RFC5: variants seen among roughly 807,000 people sequenced by gnomAD.
RFC5 encodes A1 36 kDa subunit.
In RFC5, 26 loss-of-function variants were observed where a neutral mutation model predicts 44.3. The observed-to-expected ratio is 0.59, with a 90% CI of 0.43 to 0.81. RFC5 has a LOEUF of 0.81. Ranked by LOEUF, RFC5 falls within the 40% of genes least tolerant of loss-of-function variation. RFC5 has a pLI of 0.00. For missense variants in RFC5, 328 were observed against 418.6 expected (o/e 0.78, Z 1.89); for synonymous variants, 155 against 155.2 (o/e 1.00, Z 0.01).
chr12:118,017,828 G>C, intron 1 of RFC5: 1 of 676,072 alleles, frequency 1.5e-6, no homozygotes, highest in Admixed American at 2.1e-5. Context: ...GAGCTACCAA[G>C]CCCATCCTGT....
intron 5 of RFC5, among the ~76,000 whole-genome samples, chr12:118,023,743 G>A (rs2030715580): frequency 1.3e-5 from 2 of 150,490 alleles, no homozygotes; most frequent in African/African-American, 2.4e-5. Context: ...GCAAAAAGCC[G>A]CCCTCCCTGC....
chr12:118,016,858 C>T lies in RFC5; in HGVS notation c.31C>T (p.Gln11Ter), dbSNP rs769693306. 2 of 1,613,404 alleles carry T rather than the reference C, an allele frequency of 1.2e-6. No individual in the cohort carries two copies. The highest frequency in any genetic ancestry group is 3.3e-5 in the Admixed American group (2 of 59,966). The change falls in exon 1 of 11, where the codon CAG becomes TAG. Residue 11 changes from glutamine to a stop codon, truncating the protein, a stop_gained. Transcript: ENST00000454402. LOFTEE classifies it high-confidence loss of function. METSALKQQE[Q>*]PAATKIRNLP... ...GACCTCAGCACTCAAGCAGCAGGAG[C>T]AGCCCGCGGCGACCAAGATCAGGAA... is the stretch of plus-strand genomic sequence containing the variant.
At chr12:118,020,854 C>A in intron 3 of RFC5, 52 bp from the exon 4 acceptor site, 1 of 1,201,482 alleles carries the variant, frequency 8.3e-7, no homozygotes, top group Non-Finnish European at 1.2e-6. Flanking sequence ...CAAGAACTCA[C>A]AGATAGCACA....
the RFC5 span, among the ~76,000 whole-genome samples, chr12:118,039,868 C>T: frequency 3.3e-5 from 5 of 151,758 alleles, no homozygotes; most frequent in Non-Finnish European, 5.9e-5. Context: ...CTCAGCCTCC[C>T]GAGTAGCTGG....
Position 118,025,829 on chromosome 12 carries a change from G to T in RFC5, c.663+1G>T, listed in dbSNP as rs955780368. On this transcript the variant is annotated splice_donor_variant, in intron 7 of 10. Coordinates refer to ENST00000454402, the MANE Select transcript of RFC5 (RefSeq NM_007370.7). LOFTEE classifies it high-confidence loss of function. ...GCGTAGGGCTCTGAACATTTTGCAG[G>T]TATGGTCTCAAGCAAATCCTTTTTT... 9 of 1,533,570 alleles carry T rather than the reference G, an allele frequency of 5.9e-6. No homozygotes were observed. Among genetic ancestry groups the T allele is most frequent in the Non-Finnish European group, 1.8e-6 (2 of 1,109,878 alleles). The allele number at this position is 1,533,570 out of a possible 1,614,324, so 95.0% of individuals were successfully genotyped here. A position where few individuals can be genotyped will look rare whatever the true frequency, so the allele number is the denominator to read the frequency against.
rs1354512252 is a variant in RFC5, at chr12:118,018,956, C to T, written c.66-116C>T. ...CCAAATGATCCACCCACCTTGGCCTCCCAAAGTGCTGGGATTACAGGCATG... is the reference window on the plus strand; with the variant it reads ...CCAAATGATCCACCCACCTTGGCCTTCCAAAGTGCTGGGATTACAGGCATG... On this transcript the variant is annotated intron_variant, in intron 1 of 10. Coordinates refer to ENST00000454402, the MANE Select transcript of RFC5 (RefSeq NM_007370.7). 6.5e-6 allele frequency: 5 copies of T among 764,742 alleles called. No individual in the cohort carries two copies. The Admixed American group carries it at 8.2e-5, about 12-fold the overall frequency. 47.4% of individuals were successfully genotyped at this position (764,742 alleles called of 1,614,324 possible).
chr12:118,030,959 C>T (rs983870742), intron 10 of RFC5, among the ~76,000 whole-genome samples: 11 of 152,142 alleles, frequency 7.2e-5, no homozygotes, highest in Admixed American at 3.9e-4. Flanking sequence ...AAAATTGAAT[C>T]GGTCCTTACA....
In RFC5 at chr12:118,016,902, G is replaced by A. The variant is rs1307385209; in HGVS notation, c.65+10G>A. ...TCAGGAACCTGCCCTGGTAGGAGGA[G>A]GCCGAGCGGCGGCGGTGGGCAGAGG... On this transcript the variant is annotated intron_variant, in intron 1 of 10. Transcript: ENST00000454402. The A allele has an allele frequency of 1.4e-5, 23 of 1,612,000 alleles. No individual in the cohort carries two copies. The highest frequency in any genetic ancestry group is 2.2e-5 in the East Asian group (1 of 44,824).
At chr12:118,030,466 C>T (rs923013726) in intron 10 of RFC5, among the ~76,000 whole-genome samples, 25 of 151,794 alleles carry the variant, frequency 1.6e-4, no homozygotes, top group Admixed American at 1.6e-3. Context: ...AGACCACAGA[C>T]CCACCAATGT....
At position 118,031,364 on chromosome 12, in the gene RFC5, C is replaced by A; in HGVS notation, c.*86C>A. The A allele has an allele frequency of 3.5e-6, 3 of 867,100 alleles. No individual in the cohort carries two copies. Among genetic ancestry groups the A allele is most frequent in the East Asian group, 2.6e-5 (1 of 38,910 alleles). 53.7% of individuals were successfully genotyped at this position (867,100 alleles called of 1,614,324 possible). A position where few individuals can be genotyped will look rare whatever the true frequency, so the allele number is the denominator to read the frequency against. ...TTCCAGGATAAACTGCTGCCTGGGG[C>A]TGTGGGATGAATCAGTCACCCCGAA... is the stretch of plus-strand genomic sequence containing the variant. On this transcript the variant is annotated 3_prime_UTR_variant, in exon 11 of 11. Transcript: ENST00000454402.
downstream of RFC5, chr12:118,035,773 A>G (rs1167825754): frequency 5.8e-6 from 1 of 171,396 alleles, no homozygotes; most frequent in African/African-American, 2.4e-5. Flanking sequence ...TACTACAGTT[A>G]TTAGTAAATG....
chr12:118,029,765 C>T lies in RFC5; in HGVS notation c.872-6C>T. 6.2e-7 allele frequency: 1 copy of T among 1,602,254 alleles called. No homozygotes were observed. The highest frequency in any genetic ancestry group is 8.6e-7 in the Non-Finnish European group (1 of 1,169,348). On this transcript the variant is annotated splice_region_variant and splice_polypyrimidine_tract_variant and intron_variant, in intron 9 of 10. Transcript: ENST00000454402. ...CCTAACTCATTTGATTTTGTTTTTC[C>T]CTCAGTTGACTTTCCATCTTCAGTT...
rs1282332149 is a variant in RFC5 at position 118,019,597 on chromosome 12, G to T, written c.131-35G>T. 6.2e-7 allele frequency: 1 copy of T among 1,613,542 alleles called. No homozygotes were observed. Among genetic ancestry groups the T allele is most frequent in the Non-Finnish European group, 8.5e-7 (1 of 1,179,634 alleles). Reference sequence around the variant, plus strand: ...CAGGGTGAATGAGGCAGCTCCCAAAGACTGATGGTGCCCTTCTTCCTTCCT... The same window carrying T: ...CAGGGTGAATGAGGCAGCTCCCAAATACTGATGGTGCCCTTCTTCCTTCCT... On this transcript the variant is annotated intron_variant, in intron 2 of 10. Transcript: ENST00000454402. The surrounding 1 kb of genome is among the most constrained non-coding windows in gnomAD (Gnocchi z 4.2).
chr12:118,039,253 T>C, the RFC5 span, among the ~76,000 whole-genome samples: 2 of 152,120 alleles, frequency 1.3e-5, no homozygotes, highest in African/African-American at 2.4e-5. Flanking sequence ...ATTCAGCAGA[T>C]AACCCAGGGT....
downstream of RFC5, chr12:118,034,173 A>G (rs200618171): frequency 1.2e-6 from 2 of 1,613,790 alleles, no homozygotes; most frequent in East Asian, 2.2e-5. Flanking sequence ...CCTGCTACAA[A>G]GAAGCACAAG....
intron 5 of RFC5, among the ~76,000 whole-genome samples, chr12:118,024,634 C>G (rs1241035521): frequency 6.6e-6 from 1 of 152,054 alleles, no homozygotes; most frequent in Non-Finnish European, 1.5e-5. Flanking sequence ...TTGGCCAAAC[C>G]TCCTGACCTC....
chr12:118,032,894 CAG>C (rs912457837), downstream of RFC5: 4 of 151,540 alleles, frequency 2.6e-5, no homozygotes, highest in African/African-American at 7.3e-5. Context: ...AAAAATGAAA[CAG>C]AGAGCCAAAA....
Position 118,019,639 on chromosome 12 carries a change from G to A in RFC5, c.138G>A (p.Lys46=). 6.2e-7 allele frequency: 1 copy of A among 1,614,042 alleles called. No individual in the cohort carries two copies. The highest frequency in any genetic ancestry group is 8.5e-7 in the Non-Finnish European group (1 of 1,179,946). ...SHQDILSTIQ[K]FINEDRLPHL... is the part of the protein sequence containing the mutation. Reference sequence around the variant, plus strand: ...TTCCTTCCTGATCCTCAGTTCAGAAGTTTATCAATGAAGACCGACTGCCAC... The same window carrying A: ...TTCCTTCCTGATCCTCAGTTCAGAAATTTATCAATGAAGACCGACTGCCAC... The change falls in exon 3 of 11, where the codon AAG becomes AAA. Residue 46 remains lysine (K), a synonymous_variant. Coordinates refer to ENST00000454402, the MANE Select transcript of RFC5 (RefSeq NM_007370.7). The surrounding 1 kb of genome is among the most constrained non-coding windows in gnomAD (Gnocchi z 4.2).
chr12:118,021,042 G>A (rs2030451217), intron 4 of RFC5, 57 bp downstream of exon 4: 5 of 1,110,478 alleles, frequency 4.5e-6, no homozygotes, highest in African/African-American at 1.5e-5. Context: ...GATGATATGG[G>A]TTAATTTTTT....
Sources: allele counts gnomAD v4.1 joint callset (sites outside exome capture counted in the v4.1 genomes callset), GRCh38; gene constraint gnomAD v4.1.1; non-coding constraint Gnocchi (gnomAD v3.1); transcripts MANE v1.5; gene names NCBI Gene and HGNC (gene_info 2026-07-23, HGNC 2026-07-21).